STOX2: variants seen among roughly 807,000 people sequenced by gnomAD.
STOX2 encodes storkhead box 2, also known as storkhead-box protein 2.
STOX2 carries 28 observed loss-of-function variants against 60.9 expected under a neutral mutation model. The observed-to-expected ratio is 0.46, with a 90% CI of 0.34 to 0.63. The LOEUF is 0.63. Among genes scored for constraint, STOX2 ranks in the 30% least tolerant of loss-of-function variants. The pLI is 0.01. For synonymous variants in STOX2, 472 were observed against 463.9 expected, an observed-to-expected ratio of 1.02 and a Z score of -0.22; for missense variants, 1,024 against 1,187.7, an observed-to-expected ratio of 0.86 and a Z score of 2.03.
At chr4:183,919,214 G>A (rs896196749) in intron 1 of STOX2, among the ~76,000 whole-genome samples, 4 of 152,200 alleles carry the variant, frequency 2.6e-5, no homozygotes, top group African/African-American at 9.6e-5. Flanking sequence ...AACACATGGA[G>A]AGTTACACAG....
chr4:183,899,669 G>T (rs1015549463), intron 1 of STOX2, among the ~76,000 whole-genome samples: 1 of 152,204 alleles, frequency 6.6e-6, no homozygotes, highest in African/African-American at 2.4e-5. Context: ...GCTAGCAGAG[G>T]TTGGTTCATG....
intron 1 of STOX2, among the ~76,000 whole-genome samples, chr4:183,916,984 A>G (rs1340120407): frequency 6.6e-6 from 1 of 152,184 alleles, no homozygotes; most frequent in Non-Finnish European, 1.5e-5. Flanking sequence ...CACCTCTGAA[A>G]TAACCGACAC....
At chr4:183,841,317 C>T (rs745888775) in intron 1 of STOX2, among the ~76,000 whole-genome samples, 10 of 151,972 alleles carry the variant, frequency 6.6e-5, no homozygotes, top group Non-Finnish European at 1.3e-4. Flanking sequence ...ACTATAGGTG[C>T]ATGCCACCAC....
chr4:183,860,317 G>A (rs1219299067), intron 1 of STOX2, among the ~76,000 whole-genome samples: 3 of 151,800 alleles, frequency 2.0e-5, no homozygotes, highest in African/African-American at 4.8e-5. Flanking sequence ...CTAAAATGAC[G>A]TAGCTAATTA....
Position 184,009,135 on chromosome 4 carries a change from G to GTTTTT in STOX2, c.320-23_320-22insTTTTT. On this transcript the variant is annotated intron_variant, in intron 2 of 3. Transcript: ENST00000308497. This position sits in a 1 kb window ranked among gnomAD's most constrained non-coding sequence, Gnocchi z 4.0. The stretch of plus-strand genomic sequence containing the variant: ...ATGTTCTGTCTTCATTCTCACAAGT[G>GTTTTT]GTTTTTTTTTTTTTTTTTTCAGGTG... 4.0e-6 allele frequency: 4 copies of GTTTTT among 1,001,222 alleles called. No individual in the cohort carries two copies. In the Admixed American group the frequency reaches 9.2e-5, roughly 23 times the overall value. 62.0% of individuals were successfully genotyped at this position (1,001,222 alleles called of 1,614,324 possible).
chr4:183,851,251 A>G (rs1317016397), intron 1 of STOX2, among the ~76,000 whole-genome samples: 1 of 79,360 alleles, frequency 1.3e-5, no homozygotes. Context: ...GAGGGAAAGG[A>G]TGAGAGAAAG....
chr4:183,937,387 G>A (rs1742617539), intron 1 of STOX2, among the ~76,000 whole-genome samples: 1 of 152,204 alleles, frequency 6.6e-6, no homozygotes, highest in African/African-American at 2.4e-5. Context: ...ATTTCCAATG[G>A]AGAGAAGACG....
intron 1 of STOX2, among the ~76,000 whole-genome samples, chr4:183,859,369 G>C (rs551123511): frequency 1.0e-3 from 154 of 152,356 alleles, no homozygotes; most frequent in African/African-American, 3.4e-3. Context: ...CGCTGGGGAG[G>C]AAGAAAGGGT....
At position 183,837,450 on chromosome 4, in the gene STOX2, A is replaced by G. The variant is rs144802749; in HGVS notation, c.364+39395A>G. 4.4e-3 allele frequency among the ~76,000 whole-genome samples: 664 copies of G among 149,582 alleles called. 5 individuals are homozygous for G. Among genetic ancestry groups the G allele is most frequent in the African/African-American group, 0.015 (604 of 40,854 alleles). ...TTATCTCACTCAGCATGCTATTTTC[A>G]GAGTCCGTGCTTTTTTTTTTTTCTT... is the stretch of plus-strand genomic sequence containing the variant. On this transcript the variant is annotated intron_variant, in intron 1 of 2. Coordinates refer to the STOX2 transcript ENST00000513034.
intron 1 of STOX2, among the ~76,000 whole-genome samples, chr4:183,994,218 A>T (rs910988650): frequency 6.6e-6 from 1 of 152,178 alleles, no homozygotes; most frequent in Admixed American, 6.5e-5. Context: ...CCATGCCCAT[A>T]GTGCATTTTA....
intron 1 of STOX2, among the ~76,000 whole-genome samples, chr4:183,893,785 T>G (rs1027587162): frequency 1.3e-5 from 2 of 152,150 alleles, no homozygotes; most frequent in African/African-American, 4.8e-5. Context: ...AAAACTAGCC[T>G]CCTTTCCCTG....
intron 1 of STOX2, among the ~76,000 whole-genome samples, chr4:183,884,303 ATTT>A (rs11287431): frequency 4.1e-5 from 6 of 146,724 alleles, no homozygotes; most frequent in Admixed American, 6.8e-5. Context: ...GTTGTCTCTA[ATTT>A]TTTTTTTTTT....
chr4:183,881,316 C>A (rs1273400751), intron 1 of STOX2, among the ~76,000 whole-genome samples: 1 of 152,072 alleles, frequency 6.6e-6, no homozygotes, highest in Non-Finnish European at 1.5e-5. Context: ...TCCTGGCCAA[C>A]ATGGTGAAAC....
At chr4:183,876,084 A>G (rs1217878824) in intron 1 of STOX2, among the ~76,000 whole-genome samples, 1 of 152,176 alleles carries the variant, frequency 6.6e-6, no homozygotes, top group Non-Finnish European at 1.5e-5. Context: ...CATGTTGCCT[A>G]TGTTCACCTT....
intron 1 of STOX2, among the ~76,000 whole-genome samples, chr4:183,859,500 G>C (rs1740380231): frequency 6.6e-6 from 1 of 152,244 alleles, no homozygotes; most frequent in Non-Finnish European, 1.5e-5. Context: ...ACTGGGGGCA[G>C]TGGGCAGCCT....
At chr4:183,883,389 G>C (rs542976795) in intron 1 of STOX2, among the ~76,000 whole-genome samples, 141 of 149,356 alleles carry the variant, frequency 9.4e-4, no homozygotes, top group African/African-American at 3.2e-3. Flanking sequence ...GCGCGATCTC[G>C]GCTCACTGCA....
chr4:183,985,046 C>T (rs1235664785), intron 1 of STOX2, among the ~76,000 whole-genome samples: 1 of 152,078 alleles, frequency 6.6e-6, no homozygotes, highest in Non-Finnish European at 1.5e-5. Context: ...TTTTGCCTGA[C>T]CGTGTATATT....
chr4:183,912,449 G>A lies in STOX2; in HGVS notation c.166+5493G>A, dbSNP rs533482915. ...CTGGGAGCTCTTTACCTGCATCAGCGCCTGTCACCTTGTGTACCTGTTGTA... is the reference window on the plus strand; with the variant it reads ...CTGGGAGCTCTTTACCTGCATCAGCACCTGTCACCTTGTGTACCTGTTGTA... On this transcript the variant is annotated intron_variant, in intron 1 of 3. Coordinates refer to ENST00000308497, the MANE Select transcript of STOX2 (RefSeq NM_020225.3). Among the ~76,000 whole-genome samples, 8 of 152,118 alleles carry A rather than the reference G, an allele frequency of 5.3e-5. No individual in the cohort carries two copies. In the South Asian group the frequency reaches 1.2e-3, roughly 24 times the overall value.
In STOX2 at chr4:184,011,260, C is replaced by G. The variant is rs370276190; in HGVS notation, c.2422C>G (p.Arg808Gly). 6.2e-7 allele frequency: 1 copy of G among 1,613,456 alleles called. No homozygotes were observed. The highest frequency in any genetic ancestry group is 8.5e-7 in the Non-Finnish European group (1 of 1,179,678). ...DVGTMQWLLE[R>G]EKERDLQRKF... The stretch of plus-strand genomic sequence containing the variant: ...AGGCACCATGCAGTGGCTCCTCGAG[C>G]GGGAGAAGGAAAGAGACTTGCAGAG... The change falls in exon 3 of 4, where the codon CGG (arginine) becomes GGG (glycine). Residue 808 changes from arginine (R) to glycine (G), a missense_variant. By Grantham distance (125) the Arg-to-Gly change is moderately radical. This residue lies in a region of STOX2 where 922 missense variants were observed against 1,058.3 expected (regional missense o/e 0.87). Coordinates refer to ENST00000308497, the MANE Select transcript of STOX2 (RefSeq NM_020225.3). This position sits in a 1 kb window ranked among gnomAD's most constrained non-coding sequence, Gnocchi z 4.4.
Sources: gnomAD v4.1 joint callset for allele counts (sites outside exome capture counted in the v4.1 genomes callset) on GRCh38, gnomAD v4.1.1 for gene constraint, gnomAD v4.1.1 regional missense constraint, Gnocchi (gnomAD v3.1) non-coding constraint, MANE v1.5 for transcripts, NCBI Gene and HGNC (gene_info 2026-07-23, HGNC 2026-07-21) for gene names.